HERC3: variants seen among roughly 807,000 people sequenced by gnomAD.
HERC3 encodes HECT and RLD domain containing E3 ubiquitin protein ligase 3, also known as probable E3 ubiquitin-protein ligase HERC3.
HERC3 carries 58 observed loss-of-function variants against 129.9 expected under a neutral mutation model. That is an observed-to-expected ratio of 0.45 (90% CI 0.36 to 0.56). The LOEUF is 0.56. Ranked by LOEUF, HERC3 falls within the 20% of genes least tolerant of loss-of-function variation. HERC3 has a pLI of 0.00. For missense variants in HERC3, 835 were observed against 1,244.2 expected, an observed-to-expected ratio of 0.67 and a Z score of 4.95; for synonymous variants, 430 against 451.0, an observed-to-expected ratio of 0.95 and a Z score of 0.59.
At chr4:88,558,715 G>A in the HERC3 span, among the ~76,000 whole-genome samples, 1 of 152,036 alleles carries the variant, frequency 6.6e-6, no homozygotes, top group Non-Finnish European at 1.5e-5. Context: ...TGTAATCCCA[G>A]CACTTTGGGA....
At chr4:88,689,341 C>CA (rs35196375) in intron 23 of HERC3, among the ~76,000 whole-genome samples, 3 of 126,496 alleles carry the variant, frequency 2.4e-5, no homozygotes, top group African/African-American at 1.0e-4. Context: ...CAAGTCTCTA[C>CA]AAAAAAGTAA....
At chr4:88,702,517 T>A (rs1362390374) in intron 23 of HERC3, among the ~76,000 whole-genome samples, 5 of 152,226 alleles carry the variant, frequency 3.3e-5, no homozygotes, top group Non-Finnish European at 7.3e-5. Context: ...CACTCAGCAT[T>A]GTTCTTGAGA....
the HERC3 span, among the ~76,000 whole-genome samples, chr4:88,535,808 G>A: frequency 6.6e-6 from 1 of 152,200 alleles, no homozygotes; most frequent in Non-Finnish European, 1.5e-5. Flanking sequence ...TGGCACTTAA[G>A]TTTCCAATAC....
rs894354060 is a variant in HERC3, at chr4:88,607,857, A to G, written c.226+1808A>G. Among the ~76,000 whole-genome samples, 4 of 152,184 alleles carry G rather than the reference A, an allele frequency of 2.6e-5. No individual in the cohort carries two copies. The East Asian group carries it at 7.7e-4, about 29-fold the overall frequency. Reference sequence around the variant, plus strand: ...GTCCTCTTAGTAGTGAGGATGTGTAAATGAATCTTCTTTTGGTGAGAAATT... The same window carrying G: ...GTCCTCTTAGTAGTGAGGATGTGTAGATGAATCTTCTTTTGGTGAGAAATT... On this transcript the variant is annotated intron_variant, in intron 3 of 25. Coordinates refer to ENST00000402738, the MANE Select transcript of HERC3 (RefSeq NM_014606.3).
chr4:88,545,362 C>T, the HERC3 span, among the ~76,000 whole-genome samples: 1 of 151,218 alleles, frequency 6.6e-6, no homozygotes, highest in Non-Finnish European at 1.5e-5. Context: ...ATACACTCCT[C>T]ATGAGACTTT....
At position 88,677,987 on chromosome 4, in the gene HERC3, G is replaced by T; in HGVS notation, c.2049G>T (p.Leu683=). The stretch of plus-strand genomic sequence containing the variant: ...AGGTGGCAGTCAATGGAGCCAACCT[G>T]CAGAATGTCTTCATGCTTCTCACCC... The part of the protein sequence containing the change: ...QMQVAVNGAN[L]QNVFMLLTLE... The change falls in exon 19 of 26, where the codon CTG becomes CTT. Residue 683 remains leucine, a synonymous_variant. Transcript: ENST00000402738. 6.2e-7 allele frequency: 1 copy of T among 1,613,036 alleles called. No individual in the cohort carries two copies. Among genetic ancestry groups the T allele is most frequent in the Non-Finnish European group, 8.5e-7 (1 of 1,179,966 alleles).
At chr4:88,576,721 T>C in the HERC3 span, among the ~76,000 whole-genome samples, 1 of 152,146 alleles carries the variant, frequency 6.6e-6, no homozygotes, top group South Asian at 2.1e-4. Flanking sequence ...TTCTTCAAAT[T>C]TATTTTAAAA....
the HERC3 span, among the ~76,000 whole-genome samples, chr4:88,584,739 A>G: frequency 0.02 from 3,014 of 152,330 alleles, 93 homozygotes; most frequent in African/African-American, 0.068. Flanking sequence ...GCACCTTGAT[A>G]ATGAATTTCC....
At chr4:88,646,445 T>C (rs1313033153) in intron 3 of HERC3, among the ~76,000 whole-genome samples, 4 of 152,194 alleles carry the variant, frequency 2.6e-5, no homozygotes, top group Admixed American at 2.6e-4. Flanking sequence ...CTGGAAACAT[T>C]ACTAAAGAGT....
At chr4:88,570,035 C>T in the HERC3 span, among the ~76,000 whole-genome samples, 1 of 152,196 alleles carries the variant, frequency 6.6e-6, no homozygotes, top group Non-Finnish European at 1.5e-5. Flanking sequence ...CACACCTTTC[C>T]AGGGTGGCAG....
At chr4:88,531,715 T>C in the HERC3 span, among the ~76,000 whole-genome samples, 46 of 152,284 alleles carry the variant, frequency 3.0e-4, no homozygotes, top group African/African-American at 1.1e-3. Context: ...GCCAGCTAGA[T>C]ACACACACGT....
At chr4:88,574,814 C>T in the HERC3 span, among the ~76,000 whole-genome samples, 1 of 152,134 alleles carries the variant, frequency 6.6e-6, no homozygotes. Flanking sequence ...TCCATTCAAC[C>T]GCTGATAGAC....
chr4:88,612,437 T>G (rs1468556513), intron 3 of HERC3, among the ~76,000 whole-genome samples: 4 of 152,138 alleles, frequency 2.6e-5, no homozygotes, highest in Admixed American at 2.6e-4. Flanking sequence ...AGCTTAGGTG[T>G]GTCCATGACT....
At chr4:88,527,027 A>G in the HERC3 span, 2 of 152,216 alleles carry the variant, frequency 1.3e-5, no homozygotes, top group African/African-American at 2.4e-5. Context: ...GCTAGTTTCA[A>G]ACATCAAAGG....
Position 88,707,437 on chromosome 4 carries a change from A to C in HERC3, c.*477A>C, listed in dbSNP as rs1735872044. The stretch of plus-strand genomic sequence containing the variant: ...ACATCACCTTCCTCTGTACACTTGG[A>C]AATGCCTCTGGCTTGTTGCAGCCCT... On this transcript the variant is annotated 3_prime_UTR_variant, in exon 26 of 26. Coordinates refer to ENST00000402738, the MANE Select transcript of HERC3 (RefSeq NM_014606.3). The C allele has an allele frequency of 6.5e-6, 1 of 154,636 alleles. No homozygotes were observed. Among genetic ancestry groups the C allele is most frequent in the African/African-American group, 2.4e-5 (1 of 41,446 alleles). The allele number at this position is 154,636 out of a possible 1,614,324, so 9.6% of individuals were successfully genotyped here. A position where few individuals can be genotyped will look rare whatever the true frequency, so the allele number is the denominator to read the frequency against.
chr4:88,657,842 A>G (rs1730077377), intron 9 of HERC3, among the ~76,000 whole-genome samples: 1 of 151,762 alleles, frequency 6.6e-6, no homozygotes, highest in African/African-American at 2.4e-5. Context: ...CCAGAAGCAC[A>G]TTCAGGTTGT....
chr4:88,669,850 C>G lies in HERC3; in HGVS notation c.1634-10C>G, dbSNP rs770624915. ...ACATGTTGAAATATGTCTTTTCTTT[C>G]TTTCTAAAGATAACTGGTGGTCTCA... On this transcript the variant is annotated splice_polypyrimidine_tract_variant and intron_variant, in intron 14 of 25. Transcript: ENST00000402738. 7 of 1,606,054 alleles carry G rather than the reference C, an allele frequency of 4.4e-6. No individual in the cohort carries two copies. Among genetic ancestry groups the G allele is most frequent in the African/African-American group, 2.7e-5 (2 of 74,610 alleles).
intron 3 of HERC3, among the ~76,000 whole-genome samples, chr4:88,632,365 T>C (rs1307330110): frequency 6.6e-6 from 1 of 152,098 alleles, no homozygotes; most frequent in Admixed American, 6.5e-5. Flanking sequence ...TAACGTAATA[T>C]CCAAAATGTT....
chr4:88,697,258 C>CCCGCGGCAGCCTCTG (rs1734697971), intron 23 of HERC3: 1 of 1,561,250 alleles, frequency 6.4e-7, no homozygotes, highest in South Asian at 1.2e-5. Flanking sequence ...ATGTTTGGCC[C>CCCGCGGCAGCCTCTG]CCGCGGCAGC....
Sources: gnomAD v4.1 joint callset for allele counts (sites outside exome capture counted in the v4.1 genomes callset) on GRCh38, gnomAD v4.1.1 for gene constraint, MANE v1.5 for transcripts, NCBI Gene and HGNC (gene_info 2026-07-23, HGNC 2026-07-21) for gene names.